Variants in KAT7 observed in about 807,000 individuals in gnomAD.
KAT7 encodes histone acetyltransferase KAT7.
A neutral mutation model predicts 82.1 loss-of-function variants in KAT7; 10 were observed. The observed-to-expected ratio is 0.12, with a 90% CI of 0.08 to 0.21. The LOEUF is 0.21. Ranked by LOEUF, KAT7 falls within the 10% of genes least tolerant of loss-of-function variation. The pLI, the probability that KAT7 is intolerant of heterozygous loss-of-function variation, is 1.00. For synonymous variants in KAT7, 250 were observed against 262.5 expected (o/e 0.95, Z 0.46); for missense variants, 378 against 760.9 (o/e 0.50, Z 5.92).
chr17:49,816,701 A>G (rs142003981), intron 8 of KAT7, among the ~76,000 whole-genome samples: 11 of 152,046 alleles, frequency 7.2e-5, no homozygotes, highest in Admixed American at 6.6e-4. Flanking sequence ...TCTCTATCCT[A>G]TTCTGGCATG....
At chr17:49,798,750 G>C (rs576791697) in intron 4 of KAT7, among the ~76,000 whole-genome samples, 192 bp downstream of exon 4, 1 of 151,842 alleles carries the variant, frequency 6.6e-6, no homozygotes, top group African/African-American at 2.4e-5. Flanking sequence ...TAATAGATCT[G>C]GTTGTAAGGA....
rs537665605 is a variant in KAT7 at position 49,805,808 on chromosome 17, GTTCTC to G, written c.663+369_663+373del. Among the ~76,000 whole-genome samples, 33 of 152,094 alleles carry G rather than the reference GTTCTC, an allele frequency of 2.2e-4. No homozygotes were observed. The South Asian group carries it at 3.3e-3, about 15-fold the overall frequency. ...TGTGATCTTAATATTTATGCATTCG[GTTCTC>G]TTCTCATAAATCTATGAAGTCATTT... On this transcript the variant is annotated intron_variant, in intron 5 of 14. Transcript: ENST00000259021.
chr17:49,826,198 T>G, intron 13 of KAT7, 52 bp downstream of exon 13: 1 of 1,550,272 alleles, frequency 6.5e-7, no homozygotes, highest in Non-Finnish European at 8.9e-7. Context: ...AAGTTAACTC[T>G]ACTGGGTATT....
chr17:49,827,760 C>T lies in KAT7; in HGVS notation c.*258C>T. On this transcript the variant is annotated 3_prime_UTR_variant, in exon 15 of 15. Coordinates refer to ENST00000259021, the MANE Select transcript of KAT7 (RefSeq NM_007067.5). ...GAGTGCAGGTCTCTCAGCACTGACCCAAGGAGTTCTGTTATGGTACTGTAC... is the reference window on the plus strand; with the variant it reads ...GAGTGCAGGTCTCTCAGCACTGACCTAAGGAGTTCTGTTATGGTACTGTAC... The T allele has an allele frequency of 2.0e-6, 1 of 496,798 alleles. No individual in the cohort carries two copies. Among genetic ancestry groups the T allele is most frequent in the Non-Finnish European group, 3.6e-6 (1 of 276,970 alleles). 30.8% of individuals were successfully genotyped at this position (496,798 alleles called of 1,614,324 possible).
chr17:49,827,322 G>T (rs906549982), intron 14 of KAT7, 79 bp from the exon 15 acceptor site: 3 of 832,336 alleles, frequency 3.6e-6, no homozygotes, highest in African/African-American at 3.4e-5. Flanking sequence ...TTCCTTCTTG[G>T]CGGTTAGTTA....
chr17:49,798,312 G>A lies in KAT7; in HGVS notation c.341-7G>A, dbSNP rs765495983. The A allele has an allele frequency of 6.2e-7, 1 of 1,612,432 alleles. No homozygotes were observed. Among genetic ancestry groups the A allele is most frequent in the South Asian group, 1.1e-5 (1 of 91,034 alleles). On this transcript the variant is annotated splice_region_variant and splice_polypyrimidine_tract_variant and intron_variant, in intron 3 of 14. Transcript: ENST00000259021. ...CTCATAACTTCTACCAATTGCTTTT[G>A]CTTTAGAAACTAAAAATACAGCTGA... is the stretch of plus-strand genomic sequence containing the variant.
chr17:49,826,860 A>T (rs981883330), intron 14 of KAT7, 61 bp downstream of exon 14: 1 of 1,095,370 alleles, frequency 9.1e-7, no homozygotes, highest in African/African-American at 1.6e-5. Context: ...AGCAGAGCAA[A>T]GTATGGGCCT....
intron 12 of KAT7, among the ~76,000 whole-genome samples, chr17:49,825,196 T>C (rs1346094702): frequency 6.6e-6 from 1 of 152,218 alleles, no homozygotes; most frequent in East Asian, 1.9e-4. Flanking sequence ...CATAGTGTTG[T>C]TTTATATATT....
chr17:49,831,624 A>G lies in KAT7; in HGVS notation c.*4122A>G, dbSNP rs1244184127. ...TCTGGTCACCTGATGCTTCCATGCT[A>G]TTTTCCCATTTCTTATCTGGGGATA... On this transcript the variant is annotated 3_prime_UTR_variant, in exon 15 of 15. Transcript: ENST00000259021. 1 of 151,816 alleles carries G rather than the reference A, an allele frequency of 6.6e-6. No homozygotes were observed. The highest frequency in any genetic ancestry group is 6.6e-5 in the Admixed American group (1 of 15,232). 9.4% of individuals were successfully genotyped at this position (151,816 alleles called of 1,614,324 possible).
At chr17:49,805,570 T>A in intron 5 of KAT7, 125 bp downstream of exon 5, 1 of 543,870 alleles carries the variant, frequency 1.8e-6, no homozygotes, top group Non-Finnish European at 3.3e-6. Context: ...TACATTGTAG[T>A]GGAGGAAACA....
At chr17:49,795,520 A>T in intron 2 of KAT7, 1 of 240,328 alleles carries the variant, frequency 4.2e-6, no homozygotes, top group Non-Finnish European at 9.0e-6. Flanking sequence ...GTTAAGAGCT[A>T]TCGATGGGAA....
rs755312313 is a variant in KAT7, at chr17:49,827,527, G to A, written c.*25G>A. 2.0e-5 allele frequency: 28 copies of A among 1,366,854 alleles called. No homozygotes were observed. The highest frequency in any genetic ancestry group is 1.9e-5 in the Non-Finnish European group (18 of 955,522). 84.7% of individuals were successfully genotyped at this position (1,366,854 alleles called of 1,614,324 possible). A position where few individuals can be genotyped will look rare whatever the true frequency, so the allele number is the denominator to read the frequency against. ...AAGTGACCTGTCATTCCGAGCCAGC[G>A]AACCCCAGCAGTAGGAATCCGTACC... On this transcript the variant is annotated 3_prime_UTR_variant, in exon 15 of 15. Coordinates refer to ENST00000259021, the MANE Select transcript of KAT7 (RefSeq NM_007067.5).
chr17:49,792,652 G>T (rs1171050672), intron 2 of KAT7, among the ~76,000 whole-genome samples: 1 of 152,092 alleles, frequency 6.6e-6, no homozygotes, highest in Non-Finnish European at 1.5e-5. Flanking sequence ...ACTCTTCAGT[G>T]TACTGTCTTT....
At chr17:49,795,783 G>GTT (rs1260537554) in intron 2 of KAT7, 6 of 223,082 alleles carry the variant, frequency 2.7e-5, no homozygotes, top group African/African-American at 1.4e-4. Flanking sequence ...TACACTAGGT[G>GTT]TTTTCACATA....
chr17:49,794,951 C>T (rs2073936801), intron 2 of KAT7, among the ~76,000 whole-genome samples: 1 of 151,916 alleles, frequency 6.6e-6, no homozygotes, highest in African/African-American at 2.4e-5. Context: ...CTTTTCTCAC[C>T]CGAAAGTTTG....
intron 7 of KAT7, 98 bp from the exon 8 acceptor site, chr17:49,815,705 C>T: frequency 2.6e-6 from 2 of 766,740 alleles, no homozygotes; most frequent in Non-Finnish European, 4.6e-6. Flanking sequence ...AAATAAATAG[C>T]TTATGGTTGT....
intron 12 of KAT7, chr17:49,824,886 A>C (rs565097095): frequency 1.8e-4 from 28 of 151,996 alleles, no homozygotes; most frequent in African/African-American, 6.0e-4. Flanking sequence ...TTCACTTGCC[A>C]TTATTTTGGT....
chr17:49,807,647 G>A (rs1023599455), intron 5 of KAT7, among the ~76,000 whole-genome samples: 2 of 152,200 alleles, frequency 1.3e-5, no homozygotes, highest in Admixed American at 1.3e-4. Context: ...GGAGAATGGA[G>A]TGTGGGGGCA....
At chr17:49,811,252 G>A (rs566291593) in intron 6 of KAT7, among the ~76,000 whole-genome samples, 307 of 151,874 alleles carry the variant, frequency 2.0e-3, no homozygotes, top group African/African-American at 6.8e-3. Flanking sequence ...GATTACAGGC[G>A]TGCACCACCA....
Sources: gnomAD v4.1 joint callset for allele counts (sites outside exome capture counted in the v4.1 genomes callset) on GRCh38, gnomAD v4.1.1 for gene constraint, MANE v1.5 for transcripts, NCBI Gene and HGNC (gene_info 2026-07-23, HGNC 2026-07-21) for gene names.